The following NRCAM variants were observed in gnomAD, a reference collection of about 807,000 sequenced individuals.
The protein encoded by NRCAM is NgCAM-related cell adhesion molecule.
Under a neutral mutation model 156.5 loss-of-function variants are expected in NRCAM, and 83 were observed. The observed-to-expected ratio is 0.53, with a 90% confidence interval of 0.44 to 0.64. The LOEUF (loss-of-function observed/expected upper bound fraction) is 0.64. Among genes scored for constraint, NRCAM ranks in the 30% least tolerant of loss-of-function variants. The pLI, the probability that NRCAM is intolerant of heterozygous loss-of-function variation, is 0.00. For synonymous variants in NRCAM, 538 were observed against 563.9 expected (o/e 0.95, Z 0.65); for missense variants, 1,417 against 1,597.3 (o/e 0.89, Z 1.92).
chr7:108,406,423 G>T (rs1385505150), intron 1 of NRCAM, among the ~76,000 whole-genome samples: 1 of 152,140 alleles, frequency 6.6e-6, no homozygotes. Flanking sequence ...AGGGATTAGG[G>T]AGTTTCTACT....
intron 6 of NRCAM, among the ~76,000 whole-genome samples, chr7:108,232,846 T>G (rs2094490323): frequency 6.6e-6 from 1 of 152,150 alleles, no homozygotes; most frequent in Non-Finnish European, 1.5e-5. Flanking sequence ...TAGAGCTTTA[T>G]TAGCATTTTT....
At chr7:108,234,458 A>C in intron 6 of NRCAM, 125 bp downstream of exon 6, 2 of 644,594 alleles carry the variant, frequency 3.1e-6, no homozygotes, top group Non-Finnish European at 5.5e-6. Context: ...AGAAATATCC[A>C]ACTGAAAAAG....
intron 2 of NRCAM, among the ~76,000 whole-genome samples, chr7:108,385,507 G>A (rs892743824): frequency 3.9e-5 from 6 of 152,238 alleles, no homozygotes; most frequent in Admixed American, 3.3e-4. Context: ...AGAAAGGCAA[G>A]GCTGACGCTG....
chr7:108,416,626 C>G (rs929264021), intron 1 of NRCAM, among the ~76,000 whole-genome samples: 2 of 152,108 alleles, frequency 1.3e-5, no homozygotes, highest in Non-Finnish European at 2.9e-5. Context: ...GACTAATACC[C>G]CCAAGGAAAA....
intron 1 of NRCAM, among the ~76,000 whole-genome samples, chr7:108,418,102 A>C (rs1804050268): frequency 6.6e-6 from 1 of 152,160 alleles, no homozygotes; most frequent in Non-Finnish European, 1.5e-5. Flanking sequence ...ACGCAGACCA[A>C]GAAATGACTT....
chr7:108,214,108 C>T (rs947625135), intron 11 of NRCAM, among the ~76,000 whole-genome samples: 1 of 152,164 alleles, frequency 6.6e-6, no homozygotes, highest in African/African-American at 2.4e-5. Flanking sequence ...ATGCTGGCCT[C>T]ACAAAATGAG....
chr7:108,369,513 C>T (rs934260622), intron 2 of NRCAM, among the ~76,000 whole-genome samples: 8 of 152,084 alleles, frequency 5.3e-5, no homozygotes, highest in African/African-American at 1.7e-4. Context: ...GTTATTAGCT[C>T]ACTGTGTTTA....
chr7:108,443,805 C>T (rs1354381823), intron 1 of NRCAM, among the ~76,000 whole-genome samples: 1 of 152,086 alleles, frequency 6.6e-6, no homozygotes, highest in African/African-American at 2.4e-5. Flanking sequence ...CATCTCTGTG[C>T]CTTAATTCAA....
intron 3 of NRCAM, among the ~76,000 whole-genome samples, chr7:108,302,906 T>G (rs1388068279): frequency 1.3e-5 from 2 of 152,166 alleles, no homozygotes; most frequent in African/African-American, 4.8e-5. Flanking sequence ...AAACAACAGA[T>G]TCATCACAGT....
chr7:108,162,570 A>C (rs543364880), intron 30 of NRCAM, among the ~76,000 whole-genome samples: 1 of 152,356 alleles, frequency 6.6e-6, no homozygotes, highest in South Asian at 2.1e-4. Flanking sequence ...ATATTGTTCT[A>C]CAAGGATGGT....
intron 11 of NRCAM, among the ~76,000 whole-genome samples, chr7:108,210,584 A>G (rs937033406): frequency 2.0e-5 from 3 of 152,180 alleles, no homozygotes; most frequent in African/African-American, 7.2e-5. Context: ...ATGGAGACAG[A>G]TGAAAAGTCA....
chr7:108,385,390 A>G (rs537736814), intron 2 of NRCAM, among the ~76,000 whole-genome samples: 7 of 152,320 alleles, frequency 4.6e-5, no homozygotes, highest in African/African-American at 1.4e-4. Context: ...AGAGAATTTC[A>G]GAGATGTGAC....
intron 12 of NRCAM, among the ~76,000 whole-genome samples, chr7:108,208,340 C>A (rs774099641): frequency 1.3e-5 from 2 of 151,936 alleles, no homozygotes; most frequent in East Asian, 3.9e-4. Flanking sequence ...AAATTCTGAG[C>A]CCTGTAGAAT....
intron 3 of NRCAM, among the ~76,000 whole-genome samples, chr7:108,305,348 G>T (rs1274813269): frequency 6.6e-6 from 1 of 152,068 alleles, no homozygotes; most frequent in Non-Finnish European, 1.5e-5. Context: ...TATTTTCCAG[G>T]TCATTTGAAT....
At chr7:108,177,314 G>A (rs986284675) in intron 26 of NRCAM, among the ~76,000 whole-genome samples, 8 of 152,060 alleles carry the variant, frequency 5.3e-5, no homozygotes, top group African/African-American at 1.4e-4. Context: ...GAGGGAAGGC[G>A]AGATAGGGAG....
chr7:108,292,624 C>T (rs1283595328), intron 3 of NRCAM, among the ~76,000 whole-genome samples: 2 of 152,100 alleles, frequency 1.3e-5, no homozygotes, highest in Non-Finnish European at 2.9e-5. Context: ...CCAGTCTGAC[C>T]TTGGTTCAAA....
At chr7:108,238,534 T>A (rs1324341850) in intron 4 of NRCAM, among the ~76,000 whole-genome samples, 2 of 152,226 alleles carry the variant, frequency 1.3e-5, no homozygotes, top group Admixed American at 1.3e-4. Context: ...TTTCTTTTCA[T>A]CATGGTTATG....
chr7:108,240,378 A>G (rs1220883276), intron 3 of NRCAM, among the ~76,000 whole-genome samples: 1 of 152,190 alleles, frequency 6.6e-6, no homozygotes, highest in Non-Finnish European at 1.5e-5. Flanking sequence ...TAGTGATATG[A>G]AGCATAATCT....
At chr7:108,296,282 C>T (rs1314816081) in intron 3 of NRCAM, among the ~76,000 whole-genome samples, 1 of 152,156 alleles carries the variant, frequency 6.6e-6, no homozygotes, top group Non-Finnish European at 1.5e-5. Context: ...CATTTTCTTA[C>T]ACAGGTACTG....
Sources: gnomAD v4.1 joint callset for allele counts (sites outside exome capture counted in the v4.1 genomes callset) on GRCh38, gnomAD v4.1.1 for gene constraint, MANE v1.5 for transcripts, NCBI Gene and HGNC (gene_info 2026-07-23, HGNC 2026-07-21) for gene names.